The following KAT14 variants were observed in gnomAD, a reference collection of about 807,000 sequenced individuals.
The protein encoded by KAT14 is lysine acetyltransferase 14.
Under a neutral mutation model 78.4 loss-of-function variants are expected in KAT14, and 66 were observed. The observed-to-expected ratio is 0.84, with a 90% CI of 0.69 to 1.03. The LOEUF is 1.03. KAT14 is among the 50% of genes least tolerant of loss of function. The pLI is 0.00. For missense variants in KAT14, 870 were observed against 972.5 expected, an observed-to-expected ratio of 0.89 and a Z score of 1.40; for synonymous variants, 344 against 359.4, an observed-to-expected ratio of 0.96 and a Z score of 0.48.
intron 2 of KAT14, 195 bp downstream of exon 2, chr20:18,143,114 A>C: frequency 7.5e-7 from 1 of 1,338,194 alleles, no homozygotes; most frequent in Non-Finnish European, 9.6e-7. Context: ...AACCTCTATC[A>C]CATTGTTAAA....
Position 18,162,174 on chromosome 20 carries a change from C to T in KAT14, c.1034C>T (p.Thr345Ile). The T allele has an allele frequency of 1.2e-6, 2 of 1,614,232 alleles. No individual in the cohort carries two copies. The highest frequency in any genetic ancestry group is 1.7e-6 in the Non-Finnish European group (2 of 1,180,052). The change falls in exon 6 of 11, where the codon ACA (threonine) becomes ATA (isoleucine). Residue 345 changes from threonine to isoleucine, a missense_variant. Transcript: ENST00000688188. ...APGTPASHSA[T>I]PSLLSEADLI... ...GGTACACCTGCCTCTCATTCTGCCA[C>T]ACCTAGCTTGCTTTCAGAAGCAGAT...
intron 3 of KAT14, among the ~76,000 whole-genome samples, chr20:18,145,735 C>G (rs1048664654): frequency 6.6e-6 from 1 of 151,442 alleles, no homozygotes; most frequent in Non-Finnish European, 1.5e-5. Context: ...GAGCCCACAC[C>G]GTGCCACTGT....
In KAT14 at chr20:18,162,440, C is replaced by A; in HGVS notation, c.1163C>A (p.Ala388Asp). 1 of 1,614,096 alleles carries A rather than the reference C, an allele frequency of 6.2e-7. No individual in the cohort carries two copies. Among genetic ancestry groups the A allele is most frequent in the Admixed American group, 1.7e-5 (1 of 60,008 alleles). ...DPGMEYVPPP[A>D]GSVASGPVVG... ...GGGATGGAGTACGTCCCACCCCCTGCTGGGTCAGTAGCTTCTGGGCCAGTG... is the reference window on the plus strand; with the variant it reads ...GGGATGGAGTACGTCCCACCCCCTGATGGGTCAGTAGCTTCTGGGCCAGTG... The change falls in exon 7 of 11, where the codon GCT becomes GAT. Residue 388 changes from alanine to aspartate, a missense_variant. Physicochemically the swap from Ala to Asp is moderately radical, Grantham distance 126. Coordinates refer to ENST00000688188, the MANE Select transcript of KAT14 (RefSeq NM_001392073.1).
At chr20:18,158,973 A>G (rs1377946372) in intron 4 of KAT14, 111 bp from the exon 5 acceptor site, 9 of 1,289,046 alleles carry the variant, frequency 7.0e-6, no homozygotes, top group Non-Finnish European at 8.3e-6. Flanking sequence ...CTCCTTCAGT[A>G]GCTGGAGGTG....
intron 2 of KAT14, 198 bp downstream of exon 2, chr20:18,143,117 T>C (rs538239335): frequency 7.5e-7 from 1 of 1,333,244 alleles, no homozygotes; most frequent in African/African-American, 1.5e-5. Context: ...CTCTATCACA[T>C]TGTTAAATTA....
intron 3 of KAT14, among the ~76,000 whole-genome samples, chr20:18,149,740 A>AGGCG (rs1568664505): frequency 6.6e-6 from 1 of 152,146 alleles, no homozygotes; most frequent in Non-Finnish European, 1.5e-5. Context: ...TTGGAGGCTG[A>AGGCG]GGCGGGCAGG....
Position 18,187,281 on chromosome 20 carries a change from G to A in KAT14, c.2173-5G>A. The A allele has an allele frequency of 6.3e-7, 1 of 1,591,842 alleles. No homozygotes were observed. Among genetic ancestry groups the A allele is most frequent in the African/African-American group, 1.4e-5 (1 of 73,474 alleles). ...TTATCTTGTATTTTTCCACTCTTTT[G>A]GCAGACCTGCATGGGCAAGGACGTA... On this transcript the variant is annotated splice_region_variant and splice_polypyrimidine_tract_variant and intron_variant, in intron 10 of 10. Transcript: ENST00000688188.
At chr20:18,150,965 T>C (rs79713126) in intron 4 of KAT14, 23 bp downstream of exon 4, 36,033 of 1,610,948 alleles carry the variant, frequency 0.022, 661 homozygotes, top group African/African-American at 0.086. Flanking sequence ...TAAAAAATCT[T>C]ATACTTCAAG....
chr20:18,144,141 G>A (rs796590437), intron 2 of KAT14, among the ~76,000 whole-genome samples: 4 of 152,316 alleles, frequency 2.6e-5, no homozygotes, highest in African/African-American at 9.6e-5. Context: ...TCTGGCATGT[G>A]GAAATGTTTT....
chr20:18,142,099 CTGAAAGTTTTAAGTATA>C, intron 1 of KAT14, 92 bp from the exon 2 acceptor site: 1 of 1,143,344 alleles, frequency 8.7e-7, no homozygotes, highest in South Asian at 2.0e-5. Flanking sequence ...TATTTGGAAT[CTGAAAGTTTTAAGTATA>C]TTTTGGTAAC....
At chr20:18,137,198 G>T (rs1047639418), upstream of KAT14, among the ~76,000 whole-genome samples, 1 of 152,112 alleles carries the variant, frequency 6.6e-6, no homozygotes, top group African/African-American at 2.4e-5. Flanking sequence ...GGAGGCTGAG[G>T]CAGGAGAATC....
rs151261289 is a variant in KAT14, at chr20:18,147,270, G to C, written c.378+1919G>C. On this transcript the variant is annotated intron_variant, in intron 3 of 10. Coordinates refer to ENST00000688188, the MANE Select transcript of KAT14 (RefSeq NM_001392073.1). Reference sequence around the variant, plus strand: ...AAAAAATGTAAGTAGAAAATGAAGAGAAGTTTGTATTGAGGATAGAGCCTT... The same window carrying C: ...AAAAAATGTAAGTAGAAAATGAAGACAAGTTTGTATTGAGGATAGAGCCTT... Among the ~76,000 whole-genome samples the C allele has an allele frequency of 3.5e-4, 53 of 152,284 alleles. 1 individual carries two copies. The East Asian group carries it at 8.7e-3, about 25-fold the overall frequency.
chr20:18,187,557 CTG>C lies in KAT14; in HGVS notation c.*101_*102del, dbSNP rs1262423873. On this transcript the variant is annotated 3_prime_UTR_variant, in exon 11 of 11. Transcript: ENST00000688188. ...TTGATTTCACAGGGAGCTCTAATCT[CTG>C]TGATTACATGGTCCTTCAAACTCCC... 1.3e-6 allele frequency: 2 copies of C among 1,556,296 alleles called. No homozygotes were observed. The highest frequency in any genetic ancestry group is 8.7e-7 in the Non-Finnish European group (1 of 1,155,636).
At chr20:18,152,909 A>T (rs1001628194) in intron 4 of KAT14, among the ~76,000 whole-genome samples, 2 of 152,218 alleles carry the variant, frequency 1.3e-5, no homozygotes, top group Non-Finnish European at 2.9e-5. Context: ...GCCGATGCAC[A>T]GACCTTGCGA....
chr20:18,139,632 A>AGGTGTGTGTGTGTGTGTG (rs1203664163), intron 1 of KAT14, among the ~76,000 whole-genome samples: 6 of 99,784 alleles, frequency 6.0e-5, no homozygotes, highest in Non-Finnish European at 1.3e-4. Context: ...AACCAAAATA[A>AGGTGTGTGTGTGTGTGTG]CGTGTGTGTG....
At chr20:18,147,110 C>T (rs1193062801) in intron 3 of KAT14, among the ~76,000 whole-genome samples, 1 of 152,100 alleles carries the variant, frequency 6.6e-6, no homozygotes, top group Non-Finnish European at 1.5e-5. Context: ...CCATTTTAGC[C>T]ACTTATGGTG....
intron 8 of KAT14, among the ~76,000 whole-genome samples, chr20:18,182,314 G>GC (rs1398782826): frequency 6.6e-6 from 1 of 152,048 alleles, no homozygotes; most frequent in Non-Finnish European, 1.5e-5. Context: ...CAGAGACAGG[G>GC]TTTCACCGTG....
chr20:18,159,193 C>T lies in KAT14; in HGVS notation c.610C>T (p.Leu204Phe), dbSNP rs770712140. 2.0e-5 allele frequency: 32 copies of T among 1,613,942 alleles called. No homozygotes were observed. The highest frequency in any genetic ancestry group is 1.6e-4 in the East Asian group (7 of 44,892). Reference protein sequence around the residue: ...QEFGEPGWWKLVHNKPPTMKP... With the variant: ...QEFGEPGWWKFVHNKPPTMKP... The stretch of plus-strand genomic sequence containing the variant: ...ATTTGGAGAGCCAGGATGGTGGAAA[C>T]TTGTTCATAACAAGCCCCCAACGAT... Residue 204 changes from leucine (L) to phenylalanine (F), a missense_variant, in exon 5 of 11, where the codon CTT (leucine) becomes TTT (phenylalanine). Transcript: ENST00000688188.
chr20:18,140,087 C>A (rs2037472085), intron 1 of KAT14, among the ~76,000 whole-genome samples: 1 of 152,048 alleles, frequency 6.6e-6, no homozygotes, highest in African/African-American at 2.4e-5. Context: ...GGATGGAGAG[C>A]CAGATCATAA....
Sources: gnomAD v4.1 joint callset for allele counts (sites outside exome capture counted in the v4.1 genomes callset) on GRCh38, gnomAD v4.1.1 for gene constraint, MANE v1.5 for transcripts, NCBI Gene and HGNC (gene_info 2026-07-23, HGNC 2026-07-21) for gene names.